The following HPSE2 variants were observed in gnomAD, a reference collection of about 807,000 sequenced individuals.
The protein encoded by HPSE2 is heparanase 2 (inactive).
A neutral mutation model predicts 60.5 loss-of-function variants in HPSE2; 38 were observed. That is an observed-to-expected ratio of 0.63 (90% CI 0.48 to 0.82). HPSE2 has a LOEUF of 0.82. Among genes scored for constraint, HPSE2 ranks in the 40% least tolerant of loss-of-function variants. HPSE2 has a pLI of 0.00. For synonymous variants in HPSE2, 295 were observed against 293.2 expected (o/e 1.01, Z -0.06); for missense variants, 713 against 740.4 (o/e 0.96, Z 0.43).
Position 99,160,915 on chromosome 10 carries a change from A to T in HPSE2, c.449-16516T>A, listed in dbSNP as rs1222442475. Among the ~76,000 whole-genome samples, 6 of 150,440 alleles carry T rather than the reference A, an allele frequency of 4.0e-5. 1 individual carries two copies. The highest frequency in any genetic ancestry group is 1.5e-4 in the African/African-American group (6 of 41,156). ...CTCCGTCTCAAAAAAAAAAAAAAAAAAAAAAGATTTCTACATGAGGTCGGG... is the reference window on the plus strand; with the variant it reads ...CTCCGTCTCAAAAAAAAAAAAAAAATAAAAAGATTTCTACATGAGGTCGGG... On this transcript the variant is annotated intron_variant, in intron 2 of 11. Transcript: ENST00000370552.
intron 3 of HPSE2, among the ~76,000 whole-genome samples, chr10:99,043,560 T>A (rs1368544094): frequency 6.6e-6 from 1 of 152,028 alleles, no homozygotes; most frequent in Non-Finnish European, 1.5e-5. Flanking sequence ...TAATTCAGAA[T>A]CTGGATGGCA....
intron 3 of HPSE2, among the ~76,000 whole-genome samples, chr10:99,043,992 G>A (rs142132910): frequency 1.3e-3 from 197 of 152,190 alleles, no homozygotes; most frequent in African/African-American, 4.6e-3. Flanking sequence ...AAGTTGGTAT[G>A]CAAATCCAAG....
intron 3 of HPSE2, among the ~76,000 whole-genome samples, chr10:98,882,905 G>A (rs887420167): frequency 6.6e-6 from 1 of 152,062 alleles, no homozygotes; most frequent in African/African-American, 2.4e-5. Flanking sequence ...TAATAACTAT[G>A]CAAATATCAC....
At chr10:99,184,813 TATATATAGAGAGAGAGAGAGAGAG>T (rs1200813406) in intron 2 of HPSE2, among the ~76,000 whole-genome samples, 782 of 30,872 alleles carry the variant, frequency 0.025, 20 homozygotes, top group Admixed American at 0.041. Context: ...TATATATATA[TATATATAGAGAGAGAGAGAGAGAG>T]AGAGAGAGAG....
intron 9 of HPSE2, among the ~76,000 whole-genome samples, chr10:98,612,308 T>C (rs1288070624): frequency 2.0e-5 from 3 of 152,172 alleles, no homozygotes. Context: ...AAACTCTGAG[T>C]TCCAGTTTTC....
At chr10:99,123,832 A>T (rs750887944) in intron 3 of HPSE2, among the ~76,000 whole-genome samples, 2 of 152,092 alleles carry the variant, frequency 1.3e-5, no homozygotes, top group Non-Finnish European at 2.9e-5. Context: ...CCCTCAGTGA[A>T]GAGGAGACCT....
At chr10:98,511,570 GTGT>G (rs1942401468) in intron 9 of HPSE2, among the ~76,000 whole-genome samples, 1 of 68,526 alleles carries the variant, frequency 1.5e-5, no homozygotes, top group Non-Finnish European at 3.4e-5. Context: ...GTGTGTGTGT[GTGT>G]GTGTGTGTGT....
At chr10:98,921,918 T>C (rs1222691471) in intron 3 of HPSE2, among the ~76,000 whole-genome samples, 1 of 152,184 alleles carries the variant, frequency 6.6e-6, no homozygotes, top group East Asian at 1.9e-4. Context: ...ACTGGTGTGC[T>C]GCATGCAAGT....
At chr10:98,752,851 T>G (rs1949790001) in intron 3 of HPSE2, among the ~76,000 whole-genome samples, 1 of 152,098 alleles carries the variant, frequency 6.6e-6, no homozygotes, top group South Asian at 2.1e-4. Context: ...AATGGAATAC[T>G]ACTCAGCCAT....
chr10:99,152,107 C>T (rs770062830), intron 2 of HPSE2, among the ~76,000 whole-genome samples: 9 of 151,690 alleles, frequency 5.9e-5, no homozygotes, highest in Non-Finnish European at 1.2e-4. Flanking sequence ...GTCAGGAGAT[C>T]AAGACCATCC....
chr10:98,975,869 A>G (rs1015584524), intron 3 of HPSE2, among the ~76,000 whole-genome samples: 11 of 152,154 alleles, frequency 7.2e-5, no homozygotes, highest in African/African-American at 1.9e-4. Flanking sequence ...AGAAAACTTA[A>G]TATCTTGATA....
At chr10:98,725,453 TGAATCCC>T (rs1949047852) in intron 4 of HPSE2, among the ~76,000 whole-genome samples, 1 of 152,198 alleles carries the variant, frequency 6.6e-6, no homozygotes, top group East Asian at 1.9e-4. Flanking sequence ...AAGCTGAAAC[TGAATCCC>T]TTCCTTACAC....
chr10:98,638,919 C>T (rs1946568057), intron 7 of HPSE2, among the ~76,000 whole-genome samples: 1 of 152,166 alleles, frequency 6.6e-6, no homozygotes, highest in Non-Finnish European at 1.5e-5. Context: ...CTAAATGAAA[C>T]AGGGAGGATG....
chr10:98,612,845 A>G (rs1013042183), intron 9 of HPSE2, among the ~76,000 whole-genome samples: 13 of 152,174 alleles, frequency 8.5e-5, no homozygotes, highest in African/African-American at 2.9e-4. Flanking sequence ...GGCTTTTCAT[A>G]CTATCTACAG....
chr10:99,213,966 G>A (rs913452756), intron 2 of HPSE2, among the ~76,000 whole-genome samples: 3 of 152,072 alleles, frequency 2.0e-5, no homozygotes, highest in Non-Finnish European at 4.4e-5. Flanking sequence ...TTTGATAAAG[G>A]ACTTATATCT....
Position 98,762,335 on chromosome 10 carries a change from T to C in HPSE2, c.611-18279A>G, listed in dbSNP as rs142061766. 4.6e-5 allele frequency among the ~76,000 whole-genome samples: 7 copies of C among 151,256 alleles called. No homozygotes were observed. The East Asian group carries it at 1.4e-3, about 30-fold the overall frequency. On this transcript the variant is annotated intron_variant, in intron 3 of 11. Transcript: ENST00000370552. The stretch of plus-strand genomic sequence containing the variant: ...TAAAACCTTGAGAAAAAAGATAATA[T>C]ATTTGGAACAAAAGAAGTGAGGAAA...
At chr10:99,305,236 T>C in the HPSE2 span, among the ~76,000 whole-genome samples, 1 of 152,184 alleles carries the variant, frequency 6.6e-6, no homozygotes, top group African/African-American at 2.4e-5. Context: ...CTGTGATATT[T>C]TGAAGCTTCA....
the HPSE2 span, among the ~76,000 whole-genome samples, chr10:99,280,747 C>A: frequency 6.6e-6 from 1 of 152,320 alleles, no homozygotes; most frequent in East Asian, 1.9e-4. Flanking sequence ...CTAGGCCATA[C>A]AGCTCAGTTA....
chr10:99,252,692 C>T, the HPSE2 span, among the ~76,000 whole-genome samples: 8 of 151,960 alleles, frequency 5.3e-5, no homozygotes, highest in East Asian at 3.9e-4. Flanking sequence ...CTGGCTAACA[C>T]GGTGAAACCC....
Sources: gnomAD v4.1 joint callset for allele counts (sites outside exome capture counted in the v4.1 genomes callset) on GRCh38, gnomAD v4.1.1 for gene constraint, MANE v1.5 for transcripts, NCBI Gene and HGNC (gene_info 2026-07-23, HGNC 2026-07-21) for gene names.